Variants in DOCK2 observed in about 807,000 individuals in gnomAD.
DOCK2 encodes dedicator of cytokinesis 2.
In DOCK2, 87 loss-of-function variants were observed where a neutral mutation model predicts 248.9. The ratio of observed to expected loss-of-function variants is 0.35; its 90% CI spans 0.29 to 0.42. The LOEUF is 0.42. Ranked by LOEUF, DOCK2 falls within the 10% of genes least tolerant of loss-of-function variation. DOCK2 has a pLI of 1.00. For synonymous variants in DOCK2, 805 were observed against 821.6 expected, an observed-to-expected ratio of 0.98 and a Z score of 0.35; for missense variants, 1,747 against 2,300.2, an observed-to-expected ratio of 0.76 and a Z score of 4.92.
chr5:169,657,099 TATC>T (rs1394497398), intron 2 of DOCK2, among the ~76,000 whole-genome samples: 1 of 152,186 alleles, frequency 6.6e-6, no homozygotes, highest in Non-Finnish European at 1.5e-5. Flanking sequence ...TCTGAGGAAA[TATC>T]ATATCTCCTG....
At chr5:169,921,258 A>T (rs1775161275) in intron 27 of DOCK2, among the ~76,000 whole-genome samples, 1 of 152,228 alleles carries the variant, frequency 6.6e-6, no homozygotes, top group Admixed American at 6.5e-5. Flanking sequence ...TTTGGATTAG[A>T]ATATTCAAGA....
intron 27 of DOCK2, among the ~76,000 whole-genome samples, chr5:169,901,429 G>GTGTGGGCATGCATGCGTGCA (rs1773917146): frequency 6.6e-6 from 1 of 152,184 alleles, no homozygotes; most frequent in Admixed American, 6.5e-5. Flanking sequence ...GTGTGTGTGT[G>GTGTGGGCATGCATGCGTGCA]TGTGGGCATG....
chr5:169,807,833 C>CAAAAAAAAAAAA (rs61670398), intron 26 of DOCK2, among the ~76,000 whole-genome samples: 18 of 24,228 alleles, frequency 7.4e-4, no homozygotes, highest in Admixed American at 1.7e-3. Flanking sequence ...GACTCTGTCT[C>CAAAAAAAAAAAA]AAAAAAAAAA....
intron 27 of DOCK2, among the ~76,000 whole-genome samples, chr5:169,885,004 T>G (rs531190473): frequency 8.5e-4 from 130 of 152,278 alleles, no homozygotes; most frequent in Admixed American, 3.4e-3. Context: ...TGGAACAAAA[T>G]GCCTGTCTGC....
intron 26 of DOCK2, among the ~76,000 whole-genome samples, chr5:169,806,466 T>A (rs1278451970): frequency 6.6e-6 from 1 of 151,890 alleles, no homozygotes; most frequent in Non-Finnish European, 1.5e-5. Context: ...CTAGCAGGAG[T>A]CAGCCAAATG....
At chr5:169,780,566 CT>C in intron 25 of DOCK2, among the ~76,000 whole-genome samples, 1 of 152,298 alleles carries the variant, frequency 6.6e-6, no homozygotes, top group Admixed American at 6.5e-5. Context: ...TCTCCTCCTT[CT>C]CGTGCTTCTC....
intron 29 of DOCK2, among the ~76,000 whole-genome samples, chr5:169,994,118 A>C (rs1011842385): frequency 6.6e-6 from 1 of 152,056 alleles, no homozygotes; most frequent in Admixed American, 6.5e-5. Flanking sequence ...GCCGGAGTTT[A>C]GTTTTTGACA....
At chr5:169,735,638 A>G (rs545079134) in intron 22 of DOCK2, among the ~76,000 whole-genome samples, 12 of 152,300 alleles carry the variant, frequency 7.9e-5, no homozygotes, top group East Asian at 3.9e-4. Context: ...TGACTGGTGC[A>G]TAGTAGATGC....
intron 27 of DOCK2, among the ~76,000 whole-genome samples, 168 bp from the exon 28 acceptor site, chr5:169,982,900 G>A (rs1777978114): frequency 6.6e-6 from 1 of 152,198 alleles, no homozygotes; most frequent in Non-Finnish European, 1.5e-5. Flanking sequence ...AGAGGTAATG[G>A]ATCAGGTGTT....
intron 13 of DOCK2, among the ~76,000 whole-genome samples, chr5:169,700,374 CA>C (rs138307193): frequency 0.023 from 3,519 of 152,294 alleles, 137 homozygotes; most frequent in South Asian, 0.15. Flanking sequence ...CAAATGGGGT[CA>C]TATTTTATAT....
intron 27 of DOCK2, among the ~76,000 whole-genome samples, chr5:169,933,196 A>G (rs1348826570): frequency 6.6e-6 from 1 of 152,234 alleles, no homozygotes; most frequent in African/African-American, 2.4e-5. Context: ...AGAGGAGATG[A>G]ATGATATGTC....
chr5:170,053,513 C>T (rs1256456325), intron 41 of DOCK2, among the ~76,000 whole-genome samples: 21 of 152,234 alleles, frequency 1.4e-4, no homozygotes, highest in Non-Finnish European at 5.9e-5. Context: ...CTCTTCTTAG[C>T]CTCTGGGCCT....
intron 23 of DOCK2, among the ~76,000 whole-genome samples, chr5:169,748,552 T>C (rs1178179561): frequency 6.6e-6 from 1 of 152,236 alleles, no homozygotes; most frequent in Non-Finnish European, 1.5e-5. Flanking sequence ...AACCTGTGTG[T>C]TGGGGAAGGC....
intron 46 of DOCK2, among the ~76,000 whole-genome samples, chr5:170,074,647 T>C (rs6871764): frequency 0.54 from 81,477 of 152,028 alleles, 23,656 homozygotes; most frequent in African/African-American, 0.77. Context: ...CTCTTCAACT[T>C]CTTATTTGCA....
At chr5:170,059,056 C>T (rs1336192134) in intron 44 of DOCK2, among the ~76,000 whole-genome samples, 1 of 152,070 alleles carries the variant, frequency 6.6e-6, no homozygotes, top group East Asian at 1.9e-4. Flanking sequence ...AACTGAGATG[C>T]AGAGTTAATT....
At chr5:169,753,340 T>C (rs1204423590) in intron 23 of DOCK2, among the ~76,000 whole-genome samples, 1 of 151,924 alleles carries the variant, frequency 6.6e-6, no homozygotes, top group Non-Finnish European at 1.5e-5. Context: ...TTTGTCCCGA[T>C]GTTCTCCCTG....
intron 30 of DOCK2, chr5:170,000,300 T>G (rs1754788080): frequency 6.6e-6 from 1 of 152,238 alleles, no homozygotes; most frequent in Admixed American, 6.5e-5. Context: ...GGGCATCTAC[T>G]TAGAAAATTT....
intron 27 of DOCK2, among the ~76,000 whole-genome samples, chr5:169,967,806 C>A (rs1777357498): frequency 6.6e-6 from 1 of 151,982 alleles, no homozygotes; most frequent in South Asian, 2.1e-4. Context: ...AATGAACAAA[C>A]TCAAGACAAA....
chr5:169,669,676 A>G (rs1758934324), intron 3 of DOCK2, among the ~76,000 whole-genome samples: 1 of 152,110 alleles, frequency 6.6e-6, no homozygotes, highest in South Asian at 2.1e-4. Flanking sequence ...GCATTCAGTC[A>G]TCTCCTCATC....
Sources: allele counts gnomAD v4.1 joint callset (sites outside exome capture counted in the v4.1 genomes callset), GRCh38; gene constraint gnomAD v4.1.1; transcripts MANE v1.5; gene names NCBI Gene and HGNC (gene_info 2026-07-23, HGNC 2026-07-21).